GSG1L: variants seen among roughly 807,000 people sequenced by gnomAD.
GSG1L encodes germ cell-specific gene 1-like protein.
A neutral mutation model predicts 42.1 loss-of-function variants in GSG1L; 24 were observed. The observed-to-expected ratio is 0.57, with a 90% CI of 0.41 to 0.80. The LOEUF is 0.80. Among genes scored for constraint, GSG1L ranks in the 30% least tolerant of loss-of-function variants. The pLI is 0.00. For synonymous variants in GSG1L, 215 were observed against 203.5 expected (o/e 1.06, Z -0.48); for missense variants, 445 against 472.2 (o/e 0.94, Z 0.53).
chr16:27,941,004 C>A (rs2084786934), intron 2 of GSG1L, among the ~76,000 whole-genome samples: 2 of 151,972 alleles, frequency 1.3e-5, no homozygotes, highest in Admixed American at 1.3e-4. Flanking sequence ...AAAATTAACT[C>A]AATATGGATC....
intron 5 of GSG1L, among the ~76,000 whole-genome samples, chr16:27,818,410 G>C (rs898856333): frequency 6.6e-6 from 1 of 152,124 alleles, no homozygotes; most frequent in East Asian, 1.9e-4. Context: ...CATGAGCCGC[G>C]TGAAGGCTCT....
At chr16:27,948,000 G>A (rs1314192881) in intron 2 of GSG1L, among the ~76,000 whole-genome samples, 6 of 152,140 alleles carry the variant, frequency 3.9e-5, no homozygotes, top group South Asian at 4.2e-4. Flanking sequence ...ATGGTGTGAC[G>A]GCCAAAGGGG....
chr16:27,809,579 A>C (rs550241344), intron 5 of GSG1L, among the ~76,000 whole-genome samples: 1 of 42,710 alleles, frequency 2.3e-5, no homozygotes, highest in Non-Finnish European at 5.3e-5. Flanking sequence ...CCCGTCTGAG[A>C]AAAAAAAAAA....
At position 27,807,497 on chromosome 16, in the gene GSG1L, T is replaced by A. The variant is rs756651543; in HGVS notation, c.888A>T (p.Arg296Ser). 5 of 1,612,982 alleles carry A rather than the reference T, an allele frequency of 3.1e-6. No individual in the cohort carries two copies. Among genetic ancestry groups the A allele is most frequent in the Non-Finnish European group, 4.2e-6 (5 of 1,179,780 alleles). ...AAACAGGCCACTTACGGGCAGGGTATCTCTCGTGGCGGCAGTCTAAGTGAA... is the reference window on the plus strand; with the variant it reads ...AAACAGGCCACTTACGGGCAGGGTAACTCTCGTGGCGGCAGTCTAAGTGAA... ...EDFHLDCRHE[R>S]YPARHQPHMA... is the part of the protein sequence containing the mutation. The change falls in exon 6 of 7, where the codon AGA (arginine) becomes AGT (serine). Residue 296 changes from arginine (R) to serine (S), a missense_variant. Coordinates refer to ENST00000447459, the MANE Select transcript of GSG1L (RefSeq NM_001109763.2).
rs140054931 is a variant in GSG1L, at chr16:27,826,265, A to G, written c.830+2524T>C. Among the ~76,000 whole-genome samples the G allele has an allele frequency of 1.5e-4, 23 of 152,180 alleles. No individual in the cohort carries two copies. In the East Asian group the frequency reaches 4.5e-3, roughly 29 times the overall value. On this transcript the variant is annotated intron_variant, in intron 5 of 6. Coordinates refer to ENST00000447459, the MANE Select transcript of GSG1L (RefSeq NM_001109763.2). The stretch of plus-strand genomic sequence containing the variant: ...GAGAGGGGCCTGTTACAGTCAGGGT[A>G]CCTGTGTGGGTCTCCTCACCCCATG...
At chr16:27,805,931 C>A (rs1480282349) in intron 6 of GSG1L, among the ~76,000 whole-genome samples, 1 of 151,944 alleles carries the variant, frequency 6.6e-6, no homozygotes, top group Non-Finnish European at 1.5e-5. Context: ...TAAGACAAGC[C>A]CCAAGGCCTC....
chr16:27,968,409 C>T (rs1475050383), intron 1 of GSG1L, among the ~76,000 whole-genome samples: 1 of 152,070 alleles, frequency 6.6e-6, no homozygotes, highest in East Asian at 1.9e-4. Flanking sequence ...ACCACCACAT[C>T]TGGCTAGTTT....
chr16:27,984,146 C>G (rs2085354414), intron 1 of GSG1L, among the ~76,000 whole-genome samples: 1 of 152,138 alleles, frequency 6.6e-6, no homozygotes, highest in Non-Finnish European at 1.5e-5. Flanking sequence ...TCCACTGTTG[C>G]ATGGCCGCAA....
At chr16:27,939,673 T>C (rs2084764163) in intron 2 of GSG1L, among the ~76,000 whole-genome samples, 2 of 152,072 alleles carry the variant, frequency 1.3e-5, no homozygotes, top group African/African-American at 4.8e-5. Flanking sequence ...GAGATGAAAG[T>C]CCAGGCTGCC....
chr16:27,819,250 A>C (rs956801210), intron 5 of GSG1L, among the ~76,000 whole-genome samples: 1 of 53,930 alleles, frequency 1.9e-5, no homozygotes, highest in Non-Finnish European at 4.1e-5. Context: ...CTCTGTCTTA[A>C]AAAAAAAAAA....
At chr16:27,980,909 A>AC (rs1222378399) in intron 1 of GSG1L, among the ~76,000 whole-genome samples, 1 of 151,428 alleles carries the variant, frequency 6.6e-6, no homozygotes, top group Admixed American at 6.6e-5. Flanking sequence ...AACAAAAAAA[A>AC]AAAAAAAAGA....
At chr16:28,048,039 T>A (rs1275965508) in intron 1 of GSG1L, among the ~76,000 whole-genome samples, 2 of 140,032 alleles carry the variant, frequency 1.4e-5, no homozygotes, top group Admixed American at 7.5e-5. Flanking sequence ...GGCAACATAG[T>A]AACACCTCAT....
chr16:27,974,775 C>T (rs536581318), intron 1 of GSG1L, among the ~76,000 whole-genome samples: 81 of 152,242 alleles, frequency 5.3e-4, no homozygotes, highest in Non-Finnish European at 9.3e-4. Flanking sequence ...ACTGGGTGAC[C>T]GTGAGAGGGT....
intron 2 of GSG1L, among the ~76,000 whole-genome samples, chr16:27,911,170 C>T (rs12325314): frequency 0.4 from 61,411 of 151,836 alleles, 13,688 homozygotes; most frequent in African/African-American, 0.58. Flanking sequence ...GACTGGACTT[C>T]CTTGGAGTTT....
chr16:28,058,457 C>T (rs1473028197), intron 1 of GSG1L, among the ~76,000 whole-genome samples: 9 of 151,946 alleles, frequency 5.9e-5, no homozygotes, highest in South Asian at 2.1e-4. Flanking sequence ...AGTGAAACCT[C>T]GTCTCTACAA....
At chr16:27,799,957 C>A (rs1485780552) in intron 6 of GSG1L, among the ~76,000 whole-genome samples, 1 of 152,126 alleles carries the variant, frequency 6.6e-6, no homozygotes, top group African/African-American at 2.4e-5. Context: ...GCATCAGCAT[C>A]GTGGAGAACT....
chr16:27,928,555 G>A (rs537535429), intron 2 of GSG1L, among the ~76,000 whole-genome samples: 1 of 152,302 alleles, frequency 6.6e-6, no homozygotes, highest in Non-Finnish European at 1.5e-5. Context: ...AAAAGCCCAG[G>A]CTCAGTCTGT....
intron 3 of GSG1L, among the ~76,000 whole-genome samples, chr16:27,847,649 G>A (rs1327250381): frequency 6.6e-6 from 1 of 152,238 alleles, no homozygotes; most frequent in Admixed American, 6.5e-5. Flanking sequence ...GTAATCCCCA[G>A]TGTTGGAGAA....
At chr16:27,954,595 A>G (rs1346298103) in intron 2 of GSG1L, among the ~76,000 whole-genome samples, 40 of 152,190 alleles carry the variant, frequency 2.6e-4, no homozygotes, top group Admixed American at 2.6e-3. Flanking sequence ...GAAACTGATC[A>G]GTGCAAGAGA....
Sources: allele counts gnomAD v4.1 joint callset (sites outside exome capture counted in the v4.1 genomes callset), GRCh38; gene constraint gnomAD v4.1.1; transcripts MANE v1.5; gene names NCBI Gene and HGNC (gene_info 2026-07-23, HGNC 2026-07-21).